The following CPSF2 variants were observed in gnomAD, a reference collection of about 807,000 sequenced individuals.
CPSF2 encodes the protein cleavage and polyadenylation specific factor 2.
Under a neutral mutation model 84.2 loss-of-function variants are expected in CPSF2, and 51 were observed. That is an observed-to-expected ratio of 0.61 (90% CI 0.48 to 0.77). CPSF2 has a LOEUF of 0.77. Ranked by LOEUF, CPSF2 falls within the 30% of genes least tolerant of loss-of-function variation. The pLI is 0.00. For synonymous variants in CPSF2, 286 were observed against 311.9 expected (o/e 0.92, Z 0.87); for missense variants, 641 against 929.4 (o/e 0.69, Z 4.03).
rs2141485029 is a variant in CPSF2 at position 92,161,186 on chromosome 14, G to A, written c.2196G>A (p.Gly732=). 1 of 1,613,898 alleles carries A rather than the reference G, an allele frequency of 6.2e-7. No individual in the cohort carries two copies. The highest frequency in any genetic ancestry group is 8.5e-7 in the Non-Finnish European group (1 of 1,179,914). ...TCAAGCAAGTTCTCTTACGGGAGGG[G>A]ATTCAAGCTGAATTTGTAGGAGGTG... ...SDFKQVLLRE[G]IQAEFVGGVL... is the part of the protein sequence containing the mutation. The change falls in exon 15 of 16, where the codon GGG becomes GGA. Residue 732 remains glycine (G), a synonymous_variant. Coordinates refer to ENST00000298875, the MANE Select transcript of CPSF2 (RefSeq NM_017437.3).
In CPSF2 at chr14:92,135,961, G is replaced by A. The variant is rs551505485; in HGVS notation, c.545+465G>A. On this transcript the variant is annotated intron_variant, in intron 6 of 15. Transcript: ENST00000298875. ...TGAATTATGAGGTTGGGTCTTTCCC[G>A]TGCTGTTCTTGTGATAGTGAATGGG... Among the ~76,000 whole-genome samples, 29 of 152,272 alleles carry A rather than the reference G, an allele frequency of 1.9e-4. No individual in the cohort carries two copies. In the South Asian group the frequency reaches 2.1e-3, roughly 11 times the overall value.
chr14:92,161,199 T>A lies in CPSF2; in HGVS notation c.2209T>A (p.Phe737Ile). 1 of 1,613,638 alleles carries A rather than the reference T, an allele frequency of 6.2e-7. No homozygotes were observed. The highest frequency in any genetic ancestry group is 8.5e-7 in the Non-Finnish European group (1 of 1,179,826). The change falls in exon 15 of 16, where the codon TTT (phenylalanine) becomes ATT (isoleucine). Residue 737 changes from phenylalanine to isoleucine, a missense_variant. Physicochemically the swap from Phe to Ile is conservative, Grantham distance 21 (BLOSUM62 0). This residue lies in a region of CPSF2 where 430 missense variants were observed against 553.6 expected (regional missense o/e 0.78). Transcript: ENST00000298875. ...VLLREGIQAE[F>I]VGGVLVCNNQ... ...CTTACGGGAGGGGATTCAAGCTGAA[T>A]TTGTAGGAGGTGTACTTGTTTGCAA... is the stretch of plus-strand genomic sequence containing the variant.
chr14:92,150,320 C>T (rs940095288), intron 9 of CPSF2, among the ~76,000 whole-genome samples: 1 of 151,758 alleles, frequency 6.6e-6, no homozygotes. Flanking sequence ...TGGGGTTTCA[C>T]TATGTTGGCC....
intron 1 of CPSF2, among the ~76,000 whole-genome samples, chr14:92,123,407 T>A (rs1385840983): frequency 6.6e-6 from 1 of 151,930 alleles, no homozygotes; most frequent in African/African-American, 2.4e-5. Context: ...CCTGGCCGAT[T>A]TATTATTTGA....
chr14:92,148,533 C>T (rs992397487), intron 9 of CPSF2, among the ~76,000 whole-genome samples: 3 of 152,070 alleles, frequency 2.0e-5, no homozygotes, highest in Admixed American at 6.5e-5. Flanking sequence ...TGTCCAGGTT[C>T]GCATCCATGA....
Position 92,159,076 on chromosome 14 carries a change from G to A in CPSF2, c.1915G>A (p.Val639Ile). The part of the protein sequence containing the change: ...AWIDGVLDMR[V>I]SKVDTGVILE... ...GATAGATGGTGTCTTAGATATGAGA[G>A]TTTCCAAAGTGGACACAGGGGTTAT... Residue 639 changes from valine to isoleucine, a missense_variant, in exon 14 of 16, where the codon GTT becomes ATT. Transcript: ENST00000298875. 6.2e-7 allele frequency: 1 copy of A among 1,614,046 alleles called. No individual in the cohort carries two copies. Among genetic ancestry groups the A allele is most frequent in the Non-Finnish European group, 8.5e-7 (1 of 1,179,974 alleles).
At chr14:92,122,196 G>A (rs2068778087) in intron 1 of CPSF2, 68 bp downstream of exon 1, 2 of 323,492 alleles carry the variant, frequency 6.2e-6, no homozygotes, top group East Asian at 8.6e-5. Flanking sequence ...CCCTCCGGGA[G>A]CACGGGGCCC....
rs757295450 is a variant in CPSF2, at chr14:92,130,951, A to G, written c.-34A>G. On this transcript the variant is annotated splice_region_variant and 5_prime_UTR_variant, in exon 3 of 16. Transcript: ENST00000298875. Reference sequence around the variant, plus strand: ...ATTATGTTTTCATTTCATTTGAAAGACTCTTCTAGCTTGCTGTTTCTGGAC... The same window carrying G: ...ATTATGTTTTCATTTCATTTGAAAGGCTCTTCTAGCTTGCTGTTTCTGGAC... 16 of 1,572,518 alleles carry G rather than the reference A, an allele frequency of 1.0e-5. No individual in the cohort carries two copies. The highest frequency in any genetic ancestry group is 1.4e-5 in the African/African-American group (1 of 72,616).
chr14:92,169,649 A>ATTT lies in CPSF2; in HGVS notation c.*7925_*7927dup, dbSNP rs3031765. The ATTT allele has an allele frequency of 4.7e-5, 6 of 126,952 alleles. No homozygotes were observed. Among genetic ancestry groups the ATTT allele is most frequent in the African/African-American group, 9.0e-5 (3 of 33,454 alleles). The allele number at this position is 126,952 out of a possible 1,614,324, so 7.9% of individuals were successfully genotyped here. A position where few individuals can be genotyped will look rare whatever the true frequency, so the allele number is the denominator to read the frequency against. On this transcript the variant is annotated 3_prime_UTR_variant, in exon 16 of 16. Coordinates refer to ENST00000298875, the MANE Select transcript of CPSF2 (RefSeq NM_017437.3). ...ATTCTTAAGGTTTTTCTTATATGTG[A>ATTT]TTTTTTTTTTTTTTTTTTTTTTGAG...
Position 92,134,023 on chromosome 14 carries a change from G to A in CPSF2, c.162G>A (p.Gln54=), listed in dbSNP as rs766426393. Residue 54 remains glutamine (Q), a synonymous_variant, in exon 4 of 16, where the codon CAG becomes CAA. Transcript: ENST00000298875. ...IIDSLRKHVH[Q]IDAVLLSHPD... Reference sequence around the variant, plus strand: ...TGTGTTCTTGTAGGCATGTTCACCAGATTGATGCAGTGCTGTTGTCTCACC... The same window carrying A: ...TGTGTTCTTGTAGGCATGTTCACCAAATTGATGCAGTGCTGTTGTCTCACC... 1.2e-5 allele frequency: 19 copies of A among 1,614,024 alleles called. No individual in the cohort carries two copies. The highest frequency in any genetic ancestry group is 1.7e-5 in the Admixed American group (1 of 59,994).
At chr14:92,142,063 A>G (rs2069085532) in intron 7 of CPSF2, 101 bp from the exon 8 acceptor site, 1 of 957,686 alleles carries the variant, frequency 1.0e-6, no homozygotes, top group Non-Finnish European at 1.5e-6. Flanking sequence ...CTTATTTGTA[A>G]ATTATAGTCT....
intron 6 of CPSF2, among the ~76,000 whole-genome samples, 166 bp downstream of exon 6, chr14:92,135,662 G>A (rs1292606308): frequency 6.6e-6 from 1 of 152,130 alleles, no homozygotes; most frequent in African/African-American, 2.4e-5. Flanking sequence ...ATAGTAAGGG[G>A]GAAAGTATGG....
chr14:92,157,360 A>T lies in CPSF2; in HGVS notation c.1596-299A>T, dbSNP rs1377878965. 6.6e-6 allele frequency among the ~76,000 whole-genome samples: 1 copy of T among 152,054 alleles called. No individual in the cohort carries two copies. The highest frequency in any genetic ancestry group is 1.9e-4 in the East Asian group (1 of 5,186). On this transcript the variant is annotated intron_variant, in intron 12 of 15. Transcript: ENST00000298875. This position sits in a 1 kb window ranked among gnomAD's most constrained non-coding sequence, Gnocchi z 4.0. ...TCATCTCTACTGAAAATGCAAAATT[A>T]TCCCTGCGTGGTGGTGCATGCCTAT...
chr14:92,130,764 A>G (rs755817360), intron 2 of CPSF2, among the ~76,000 whole-genome samples, 187 bp from the exon 3 acceptor site: 1 of 152,150 alleles, frequency 6.6e-6, no homozygotes, highest in East Asian at 1.9e-4. Context: ...GCAGTGACTT[A>G]ATAAACTTGC....
At position 92,157,367 on chromosome 14, in the gene CPSF2, C is replaced by T. The variant is rs866306956; in HGVS notation, c.1596-292C>T. On this transcript the variant is annotated intron_variant, in intron 12 of 15. Coordinates refer to ENST00000298875, the MANE Select transcript of CPSF2 (RefSeq NM_017437.3). The surrounding 1 kb of genome is among the most constrained non-coding windows in gnomAD (Gnocchi z 4.0). ...TACTGAAAATGCAAAATTATCCCTG[C>T]GTGGTGGTGCATGCCTATAATCCCA... 1.1e-4 allele frequency among the ~76,000 whole-genome samples: 16 copies of T among 151,980 alleles called. No individual in the cohort carries two copies. The highest frequency in any genetic ancestry group is 3.9e-4 in the African/African-American group (16 of 41,396).
intron 13 of CPSF2, among the ~76,000 whole-genome samples, chr14:92,158,379 T>G (rs998482450): frequency 6.6e-6 from 1 of 152,206 alleles, no homozygotes; most frequent in South Asian, 2.1e-4. Context: ...AGTAGAGAGA[T>G]AAATTTTGTC....
chr14:92,162,517 A>C lies in CPSF2; in HGVS notation c.*773A>C, dbSNP rs1009745953. Reference sequence around the variant, plus strand: ...TTAGCCGTAAGTTAGGTCCTGTGTTAAACTGTTTAGTGCTCTGTTTTTAAG... The same window carrying C: ...TTAGCCGTAAGTTAGGTCCTGTGTTCAACTGTTTAGTGCTCTGTTTTTAAG... On this transcript the variant is annotated 3_prime_UTR_variant, in exon 16 of 16. Transcript: ENST00000298875. 4.7e-4 allele frequency: 72 copies of C among 152,414 alleles called. 1 individual carries two copies. The highest frequency in any genetic ancestry group is 1.6e-3 in the African/African-American group (68 of 41,562). 9.4% of individuals were successfully genotyped at this position (152,414 alleles called of 1,614,324 possible).
In CPSF2 at chr14:92,138,297, A is replaced by T. The variant is rs1298342251; in HGVS notation, c.611A>T (p.Asn204Ile). The change falls in exon 7 of 16, where the codon AAT (asparagine) becomes ATT (isoleucine). Residue 204 changes from asparagine (N) to isoleucine (I), a missense_variant. Asn to Ile is a moderately radical substitution (Grantham distance 149). This residue lies in a region of CPSF2 where 211 missense variants were observed against 375.7 expected (regional missense o/e 0.56). Coordinates refer to ENST00000298875, the MANE Select transcript of CPSF2 (RefSeq NM_017437.3). ...TCCCTACTTATCACAGATTCATTCA[A>T]TGCTACATATGTACAGCCTAGAAGA... Reference protein sequence around the residue: ...RPSLLITDSFNATYVQPRRKQ... With the variant: ...RPSLLITDSFIATYVQPRRKQ... The T allele has an allele frequency of 6.2e-7, 1 of 1,608,606 alleles. No individual in the cohort carries two copies. The highest frequency in any genetic ancestry group is 1.7e-5 in the Admixed American group (1 of 59,096).
At chr14:92,155,452 C>A in intron 11 of CPSF2, 129 bp downstream of exon 11, 1 of 702,262 alleles carries the variant, frequency 1.4e-6, no homozygotes. Context: ...CTTCTGAGTA[C>A]CTCAGCCTGA....
Sources: allele counts gnomAD v4.1 joint callset (sites outside exome capture counted in the v4.1 genomes callset), GRCh38; gene constraint gnomAD v4.1.1; regional missense constraint gnomAD v4.1.1; non-coding constraint Gnocchi (gnomAD v3.1); transcripts MANE v1.5; gene names NCBI Gene and HGNC (gene_info 2026-07-23, HGNC 2026-07-21).